The following PLEC variants were observed in gnomAD, a reference collection of about 807,000 sequenced individuals.
PLEC encodes plectin, also known as hemidesmosomal protein 1.
A neutral mutation model predicts 392.8 loss-of-function variants in PLEC; 216 were observed. The observed-to-expected ratio is 0.55, with a 90% CI of 0.49 to 0.62. The LOEUF (loss-of-function observed/expected upper bound fraction) is 0.62. Among genes scored for constraint, PLEC ranks in the 20% least tolerant of loss-of-function variants. The probability of loss-of-function intolerance (pLI) is 0.00; values close to 1 mark genes in which losing one functional copy is unlikely to be tolerated. For synonymous variants in PLEC, 3,621 were observed against 2,980.6 expected (o/e 1.21, Z -7.00); for missense variants, 6,863 against 6,563.4 (o/e 1.05, Z -1.58).
In PLEC at chr8:143,918,330, T is replaced by C. The variant is rs782808158; in HGVS notation, c.11491A>G (p.Lys3831Glu). The C allele has an allele frequency of 1.3e-6, 2 of 1,586,772 alleles. No individual in the cohort carries two copies. The highest frequency in any genetic ancestry group is 4.5e-5 in the East Asian group (2 of 44,308). ...TCTGACAGCTGGTCGTGCGTGTCCT[T>C]GTTGAGGTAGCCACGCTGGTAAGCC... is the stretch of plus-strand genomic sequence containing the variant. ...EVAYQRGYLN[K>E]DTHDQLSEPS... Residue 3831 changes from lysine to glutamate, a missense_variant, in exon 32 of 32, where the codon AAG (lysine) becomes GAG (glutamate). Transcript: ENST00000345136.
At position 143,930,462 on chromosome 8, in the gene PLEC, C is replaced by T. The variant is rs1269025145; in HGVS notation, c.2379G>A (p.Gln793=). The T allele has an allele frequency of 6.3e-7, 1 of 1,585,790 alleles. No homozygotes were observed. The highest frequency in any genetic ancestry group is 8.6e-7 in the Non-Finnish European group (1 of 1,166,668). ...GLAKRAKAVV[Q]LKPRHPAHPM... ...GGTGGGCTGGGTGGCGGGGCTTCAG[C>T]TGCACGACGGCCTTGGCCCGCTTGG... Residue 793 remains glutamine, a synonymous_variant, in exon 20 of 32, where the codon CAG becomes CAA. Coordinates refer to ENST00000345136, the MANE Select transcript of PLEC (RefSeq NM_201384.3).
At chr8:143,938,793 C>T in intron 1 of PLEC, 101 bp from the exon 2 acceptor site, 2 of 1,004,168 alleles carry the variant, frequency 2.0e-6, no homozygotes, top group Non-Finnish European at 3.1e-6. Context: ...CCAGGTCCTG[C>T]CTGGGGAGCC....
rs201438739 is a variant in PLEC, at chr8:143,919,206, G to A, written c.10615C>T (p.Arg3539Cys). 98 of 1,613,734 alleles carry A rather than the reference G, an allele frequency of 6.1e-5. No homozygotes were observed. In the East Asian group the frequency reaches 9.6e-4, roughly 16 times the overall value. Reference protein sequence around the residue: ...RCVEDPETGLRLLPLKGAEKA... With the variant: ...RCVEDPETGLCLLPLKGAEKA... The stretch of plus-strand genomic sequence containing the variant: ...TCCGCCCCTTTCAGTGGCAGAAGGC[G>A]CAAGCCCGTCTCGGGGTCCTCCACG... Residue 3539 changes from arginine to cysteine, a missense_variant, in exon 32 of 32, where the codon CGC becomes TGC. Transcript: ENST00000345136.
upstream of PLEC, among the ~76,000 whole-genome samples, chr8:143,954,732 C>A (rs563922003): frequency 6.6e-6 from 1 of 152,180 alleles, no homozygotes; most frequent in African/African-American, 2.4e-5. The surrounding 1 kb of genome is among the most constrained non-coding windows in gnomAD (Gnocchi z 4.6). Flanking sequence ...GCAGGGGGCA[C>A]GGAGGAATGC....
chr8:143,916,269 A>G lies in PLEC; in HGVS notation c.13552T>C (p.Ser4518Pro), dbSNP rs782468755. Residue 4518 changes from serine (S) to proline (P), a missense_variant, in exon 32 of 32, where the codon TCT (serine) becomes CCT (proline). Coordinates refer to ENST00000345136, the MANE Select transcript of PLEC (RefSeq NM_201384.3). ...CCCGAGGAGGAGTAGGAGGATGAAG[A>G]GAAGGTCATGGAGAAGCCGGAGCCG... is the stretch of plus-strand genomic sequence containing the variant. ...ATGSGFSMTFSSSSYSSSGYG... is the reference protein window; with the variant it reads ...ATGSGFSMTFPSSSYSSSGYG... The G allele has an allele frequency of 1.7e-5, 26 of 1,554,166 alleles. No individual in the cohort carries two copies. The highest frequency in any genetic ancestry group is 2.1e-5 in the Non-Finnish European group (24 of 1,149,830).
intron 1 of PLEC, among the ~76,000 whole-genome samples, chr8:143,966,382 T>C (rs1246467198): frequency 6.6e-6 from 1 of 152,226 alleles, no homozygotes; most frequent in Non-Finnish European, 1.5e-5. Context: ...CCTCAGTGTC[T>C]GCACACGCAT....
chr8:143,974,075 C>A (rs1554745288), upstream of PLEC, among the ~76,000 whole-genome samples: 1 of 152,258 alleles, frequency 6.6e-6, no homozygotes, highest in Non-Finnish European at 1.5e-5. This position sits in a 1 kb window ranked among gnomAD's most constrained non-coding sequence, Gnocchi z 5.9. Context: ...CCCGCCTTCA[C>A]CAATGTCGGC....
intron 1 of PLEC, among the ~76,000 whole-genome samples, chr8:143,946,134 A>T (rs1831433876): frequency 1.3e-5 from 2 of 152,174 alleles, no homozygotes; most frequent in Admixed American, 1.3e-4. Flanking sequence ...GGCAGCGGGC[A>T]GTTCTTCTAC....
In PLEC at chr8:143,922,719, G is replaced by T. The variant is rs782050679; in HGVS notation, c.7210C>A (p.Gln2404Lys). 1 of 1,611,978 alleles carries T rather than the reference G, an allele frequency of 6.2e-7. No individual in the cohort carries two copies. Among genetic ancestry groups the T allele is most frequent in the South Asian group, 1.1e-5 (1 of 90,852 alleles). ...RAQARAEEDA[Q>K]RFRKQAEEIG... is the part of the protein sequence containing the mutation. ...TCCTCCGCCTGCTTCCGGAAGCGCT[G>T]GGCGTCCTCCTCAGCGCGGGCCTGG... The change falls in exon 31 of 32, where the codon CAG becomes AAG. Residue 2404 changes from glutamine to lysine, a missense_variant. By Grantham distance (53) the Gln-to-Lys change is moderately conservative. Transcript: ENST00000345136.
upstream of PLEC, among the ~76,000 whole-genome samples, chr8:143,956,735 C>T (rs1196319509): frequency 1.3e-5 from 2 of 151,574 alleles, no homozygotes; most frequent in African/African-American, 4.8e-5. Context: ...TGTGGTCTCC[C>T]GCAGCCAGAG....
intron 1 of PLEC, among the ~76,000 whole-genome samples, chr8:143,959,634 G>C (rs368294618): frequency 6.6e-6 from 1 of 152,244 alleles, no homozygotes; most frequent in Non-Finnish European, 1.5e-5. Flanking sequence ...GGGAGGAGTC[G>C]GCCCACTTGG....
chr8:143,936,897 C>A, intron 5 of PLEC, 82 bp downstream of exon 5: 1 of 1,108,336 alleles, frequency 9.0e-7, no homozygotes, highest in South Asian at 1.3e-5. Flanking sequence ...AGCCAGAAAG[C>A]GGATCAACCC....
rs372173655 is a variant in PLEC, at chr8:143,929,724, C to T, written c.2845G>A (p.Glu949Lys). ...TCGCGCTCAGCCATCAGCCGGTCCT[C>T]GGGTCCGAAGCCGCCCGCGTCCTGG... ...DSQDAGGFGPEDRLMAEREYG... is the reference protein window; with the variant it reads ...DSQDAGGFGPKDRLMAEREYG... Residue 949 changes from glutamate to lysine, a missense_variant, in exon 23 of 32, where the codon GAG (glutamate) becomes AAG (lysine). Transcript: ENST00000345136. 29 of 1,599,786 alleles carry T rather than the reference C, an allele frequency of 1.8e-5. No homozygotes were observed. The highest frequency in any genetic ancestry group is 4.4e-5 in the South Asian group (4 of 90,850).
At position 143,917,539 on chromosome 8, in the gene PLEC, G is replaced by T; in HGVS notation, c.12282C>A (p.Asn4094Lys). 1 of 1,613,974 alleles carries T rather than the reference G, an allele frequency of 6.2e-7. No homozygotes were observed. Among genetic ancestry groups the T allele is most frequent in the African/African-American group, 1.3e-5 (1 of 75,064 alleles). Reference sequence around the variant, plus strand: ...GCAGGTAGGTGAGGTTCTCCTCCGTGTTAGGGTCAAAGAAGCCCTTGGTGT... The same window carrying T: ...GCAGGTAGGTGAGGTTCTCCTCCGTTTTAGGGTCAAAGAAGCCCTTGGTGT... ...SDDTKGFFDP[N>K]TEENLTYLQL... The change falls in exon 32 of 32, where the codon AAC (asparagine) becomes AAA (lysine). Residue 4094 changes from asparagine (N) to lysine (K), a missense_variant. By Grantham distance (94) the Asn-to-Lys change is moderately conservative (BLOSUM62 0). Transcript: ENST00000345136.
rs1554722713 is a variant in PLEC, at chr8:143,935,842, A to G, written c.602+6T>C. ...CCCACAGCCCCCTGCCCCCGGGGCC[A>G]TGTACTTGTGCCGGTGGATGATGGC... is the stretch of plus-strand genomic sequence containing the variant. On this transcript the variant is annotated splice_donor_region_variant and intron_variant, in intron 6 of 31. Transcript: ENST00000345136. The G allele has an allele frequency of 1.9e-6, 3 of 1,612,548 alleles. No homozygotes were observed. The highest frequency in any genetic ancestry group is 1.7e-5 in the Admixed American group (1 of 59,990).
intron 1 of PLEC, among the ~76,000 whole-genome samples, chr8:143,950,022 C>T (rs1395548466): frequency 2.6e-5 from 4 of 152,192 alleles, no homozygotes; most frequent in Non-Finnish European, 5.9e-5. Context: ...TCAGCAAGCG[C>T]ACCCCCTGAC....
At chr8:143,930,089 T>G in intron 21 of PLEC, 27 bp from the exon 22 acceptor site, 1 of 1,605,666 alleles carries the variant, frequency 6.2e-7, no homozygotes, top group Non-Finnish European at 8.5e-7. Context: ...ACAGTCAGCG[T>G]CACCAGCGCC....
upstream of PLEC, chr8:143,953,589 T>A (rs1298875098): frequency 2.1e-6 from 2 of 959,466 alleles, no homozygotes; most frequent in Non-Finnish European, 3.3e-6. Flanking sequence ...TGGGGTCTCC[T>A]GCGGCTCTGG....
rs1339330236 is a variant in PLEC, at chr8:143,939,046, A to AGGGCCC, written c.112+298_112+303dup. On this transcript the variant is annotated intron_variant, in intron 1 of 31. Transcript: ENST00000345136. The stretch of plus-strand genomic sequence containing the variant: ...ACCCAAGCAGGGGTGTGGCAGAGCC[A>AGGGCCC]GGGCCCGGGCCCGCTGGGGTGTTGG... Among the ~76,000 whole-genome samples the AGGGCCC allele has an allele frequency of 3.7e-4, 56 of 152,010 alleles. 1 individual carries two copies. The highest frequency in any genetic ancestry group is 1.5e-4 in the Non-Finnish European group (10 of 67,946).
Sources: allele counts gnomAD v4.1 joint callset (sites outside exome capture counted in the v4.1 genomes callset), GRCh38; gene constraint gnomAD v4.1.1; non-coding constraint Gnocchi (gnomAD v3.1); transcripts MANE v1.5; gene names NCBI Gene and HGNC (gene_info 2026-07-23, HGNC 2026-07-21).